The following MROH7 variants were observed in gnomAD, a reference collection of about 807,000 sequenced individuals.
The protein encoded by MROH7 is maestro heat like repeat family member 7, also known as maestro heat-like repeat-containing protein family member 7.
MROH7 carries 113 observed loss-of-function variants against 129.2 expected under a neutral mutation model. That is an observed-to-expected ratio of 0.87 (90% CI 0.75 to 1.02). The LOEUF (loss-of-function observed/expected upper bound fraction) is 1.02. MROH7 is among the 50% of genes least tolerant of loss of function. MROH7 has a pLI of 0.00. For synonymous variants in MROH7, 655 were observed against 667.9 expected (o/e 0.98, Z 0.30); for missense variants, 1,601 against 1,671.3 (o/e 0.96, Z 0.73).
chr1:54,679,500 C>T, intron 12 of MROH7, 61 bp downstream of exon 12: 1 of 1,550,542 alleles, frequency 6.4e-7, no homozygotes, highest in South Asian at 1.2e-5. Context: ...CCCCCCATGG[C>T]CTGCTCATCA....
intron 15 of MROH7, among the ~76,000 whole-genome samples, chr1:54,690,943 G>C (rs1478239302): frequency 6.6e-6 from 1 of 152,178 alleles, no homozygotes; most frequent in Non-Finnish European, 1.5e-5. Flanking sequence ...AGGGAGGGGA[G>C]GGTGGTCCAG....
intron 15 of MROH7, among the ~76,000 whole-genome samples, chr1:54,688,466 C>T (rs145016108): frequency 2.8e-4 from 43 of 152,138 alleles, no homozygotes; most frequent in African/African-American, 1.0e-3. Context: ...CTGTGTTATG[C>T]ACAGAAAGGT....
At chr1:54,665,121 T>C in intron 3 of MROH7, 46 bp from the exon 4 acceptor site, 1 of 1,473,322 alleles carries the variant, frequency 6.8e-7, no homozygotes, top group Non-Finnish European at 9.5e-7. Context: ...GCATCCTAGG[T>C]ACATCACAGC....
In MROH7 at chr1:54,673,115, G is replaced by T. The variant is rs757255939; in HGVS notation, c.1624G>T (p.Ala542Ser). ...GGCTCTTTACCATCAGACCCTGGAG[G>T]CCCTGCAGACACTGCTCAAAGCCCT... is the stretch of plus-strand genomic sequence containing the variant. The part of the protein sequence containing the change: ...IQALYHQTLE[A>S]LQTLLKALFI... Residue 542 changes from alanine to serine, a missense_variant, in exon 8 of 24, where the codon GCC becomes TCC. Coordinates refer to ENST00000421030, the MANE Select transcript of MROH7 (RefSeq NM_001039464.4). 6 of 1,613,826 alleles carry T rather than the reference G, an allele frequency of 3.7e-6. No homozygotes were observed. Among genetic ancestry groups the T allele is most frequent in the Non-Finnish European group, 5.1e-6 (6 of 1,179,828 alleles).
At chr1:54,681,615 T>A (rs1645070579) in intron 13 of MROH7, among the ~76,000 whole-genome samples, 1 of 152,180 alleles carries the variant, frequency 6.6e-6, no homozygotes, top group Admixed American at 6.5e-5. Flanking sequence ...AACCCTCTTG[T>A]AGAAGGGGAA....
chr1:54,661,920 TA>T (rs1023812882), intron 3 of MROH7, among the ~76,000 whole-genome samples: 1 of 151,972 alleles, frequency 6.6e-6, no homozygotes, highest in Non-Finnish European at 1.5e-5. Context: ...TAAATGATTT[TA>T]AAAAACCAAC....
intron 3 of MROH7, among the ~76,000 whole-genome samples, chr1:54,656,387 G>C (rs1298697890): frequency 6.7e-6 from 1 of 148,248 alleles, no homozygotes; most frequent in East Asian, 2.1e-4. Context: ...GCACACTCCT[G>C]TAATCTCAGC....
At chr1:54,663,370 G>A (rs1644760476) in intron 3 of MROH7, among the ~76,000 whole-genome samples, 2 of 151,908 alleles carry the variant, frequency 1.3e-5, no homozygotes, top group Non-Finnish European at 2.9e-5. Flanking sequence ...CGAGAGCCCC[G>A]AGCTCTTGTT....
chr1:54,695,095 G>A (rs1312900298), intron 16 of MROH7, among the ~76,000 whole-genome samples: 1 of 152,198 alleles, frequency 6.6e-6, no homozygotes, highest in Non-Finnish European at 1.5e-5. Flanking sequence ...GCCTGACGTG[G>A]TCCTGTGCAG....
At chr1:54,670,669 C>A in intron 6 of MROH7, 93 bp downstream of exon 6, 2 of 1,206,736 alleles carry the variant, frequency 1.7e-6, no homozygotes, top group Non-Finnish European at 2.3e-6. Context: ...CTCCCCCAAC[C>A]CGCCCCCACC....
chr1:54,647,599 G>A (rs1396385669), intron 1 of MROH7, among the ~76,000 whole-genome samples: 1 of 152,150 alleles, frequency 6.6e-6, no homozygotes, highest in Admixed American at 6.6e-5. Context: ...AATTAGCCGG[G>A]TGTGGTGGCA....
chr1:54,678,770 A>G lies in MROH7; in HGVS notation c.1965A>G (p.Lys655=), dbSNP rs747889020. The G allele has an allele frequency of 1.9e-6, 3 of 1,614,062 alleles. No homozygotes were observed. The Middle Eastern group carries it at 5.0e-4, about 266-fold the overall frequency. The change falls in exon 11 of 24, where the codon AAA becomes AAG. Residue 655 remains lysine (K), a synonymous_variant. Coordinates refer to ENST00000421030, the MANE Select transcript of MROH7 (RefSeq NM_001039464.4). ...KRARDKEETN[K]KELYESNKHF... Reference sequence around the variant, plus strand: ...CCAGAGATAAGGAAGAGACCAACAAAAAGGAGCTATATGAGAGCAACAAGC... The same window carrying G: ...CCAGAGATAAGGAAGAGACCAACAAGAAGGAGCTATATGAGAGCAACAAGC...
chr1:54,701,274 T>C lies in MROH7; in HGVS notation c.3237T>C (p.Ser1079=), dbSNP rs988390874. The change falls in exon 19 of 24, where the codon AGT becomes AGC. Residue 1079 remains serine (S), a synonymous_variant. Transcript: ENST00000421030. ...FKGRDQKLMD[S]AVYVEMLQIL... is the part of the protein sequence containing the mutation. ...GGCGGGACCAGAAGCTGATGGACAGTGCGGTCTATGTGGAGATGCTGCAGA... is the reference window on the plus strand; with the variant it reads ...GGCGGGACCAGAAGCTGATGGACAGCGCGGTCTATGTGGAGATGCTGCAGA... 63 of 1,612,148 alleles carry C rather than the reference T, an allele frequency of 3.9e-5. No homozygotes were observed. In the African/African-American group the frequency reaches 4.3e-4, roughly 11 times the overall value.
In MROH7 at chr1:54,653,140, G is replaced by T; in HGVS notation, c.214G>T (p.Ala72Ser). The T allele has an allele frequency of 6.2e-7, 1 of 1,614,200 alleles. No homozygotes were observed. Among genetic ancestry groups the T allele is most frequent in the Non-Finnish European group, 8.5e-7 (1 of 1,180,030 alleles). ...NDSLSPVSGE[A>S]SGLVSENTPR... is the part of the protein sequence containing the mutation. The stretch of plus-strand genomic sequence containing the variant: ...TTCTTTGAGTCCAGTCTCAGGGGAG[G>T]CCTCAGGCCTGGTGTCTGAAAACAC... Residue 72 changes from alanine (A) to serine (S), a missense_variant, in exon 3 of 24, where the codon GCC (alanine) becomes TCC (serine). Ala to Ser is a moderately conservative substitution (Grantham distance 99). Coordinates refer to ENST00000421030, the MANE Select transcript of MROH7 (RefSeq NM_001039464.4).
intron 13 of MROH7, 34 bp from the exon 14 acceptor site, chr1:54,682,622 C>A: frequency 1.3e-6 from 2 of 1,596,018 alleles, no homozygotes; most frequent in Non-Finnish European, 8.5e-7. Flanking sequence ...ACTGCCTTGG[C>A]CACCACTAAT....
intron 15 of MROH7, among the ~76,000 whole-genome samples, chr1:54,691,026 T>C (rs920042832): frequency 1.3e-5 from 2 of 152,174 alleles, no homozygotes; most frequent in African/African-American, 4.8e-5. Context: ...TTTAAGAGAA[T>C]AACCTTTCTT....
intron 20 of MROH7, 79 bp from the exon 21 acceptor site, chr1:54,702,544 C>A: frequency 7.5e-7 from 1 of 1,336,112 alleles, no homozygotes; most frequent in South Asian, 2.0e-5. Context: ...CAAATAGAAA[C>A]TGAGTTTTCA....
At chr1:54,709,379 T>TG (rs1645587815) in intron 23 of MROH7, among the ~76,000 whole-genome samples, 1 of 152,156 alleles carries the variant, frequency 6.6e-6, no homozygotes, top group African/African-American at 2.4e-5. Flanking sequence ...CCACTGCGCC[T>TG]GCTAATTTTT....
rs1553176969 is a variant in MROH7 at position 54,699,187 on chromosome 1, C to CTTTTCTTTCTTTCTTTCTTTCTTTCTCTT, written c.2965-1133_2965-1132insTTTCTTTCTTTCTTTCTTTCTTTCTCTTT. On this transcript the variant is annotated intron_variant, in intron 17 of 23. Transcript: ENST00000421030. ...TCTTTCTTTCTTTCTTTCTTTCTTT[C>CTTTTCTTTCTTTCTTTCTTTCTTTCTCTT]TCTTTCTTTCTTTCTTTCTCTCCCT... The CTTTTCTTTCTTTCTTTCTTTCTTTCTCTT allele has an allele frequency of 2.2e-4, 17 of 75,918 alleles. No individual in the cohort carries two copies. In the East Asian group the frequency reaches 2.8e-3, roughly 12 times the overall value. 4.7% of individuals were successfully genotyped at this position (75,918 alleles called of 1,614,324 possible). A position where few individuals can be genotyped will look rare whatever the true frequency, so the allele number is the denominator to read the frequency against.
Sources: allele counts gnomAD v4.1 joint callset (sites outside exome capture counted in the v4.1 genomes callset), GRCh38; gene constraint gnomAD v4.1.1; transcripts MANE v1.5; gene names NCBI Gene and HGNC (gene_info 2026-07-23, HGNC 2026-07-21).